Variants in FBXL17 observed in about 807,000 individuals in gnomAD.
FBXL17 encodes F-box and leucine rich repeat protein 17.
FBXL17 carries 22 observed loss-of-function variants against 66.2 expected under a neutral mutation model. The observed-to-expected ratio is 0.33, with a 90% CI of 0.24 to 0.47. FBXL17 has a LOEUF of 0.47. Among genes scored for constraint, FBXL17 ranks in the 20% least tolerant of loss-of-function variants. The pLI is 1.00. For synonymous variants in FBXL17, 474 were observed against 400.5 expected (o/e 1.18, Z -2.19); for missense variants, 878 against 948.2 (o/e 0.93, Z 0.97).
intron 4 of FBXL17, among the ~76,000 whole-genome samples, chr5:108,330,370 T>C (rs1206791848): frequency 2.0e-5 from 3 of 152,222 alleles, no homozygotes; most frequent in African/African-American, 2.4e-5. Flanking sequence ...AATTATTTGA[T>C]ATTGTTTTAA....
intron 3 of FBXL17, among the ~76,000 whole-genome samples, chr5:108,360,053 T>C (rs1748245346): frequency 6.6e-6 from 1 of 152,272 alleles, no homozygotes; most frequent in South Asian, 2.1e-4. Context: ...ATAATAATTC[T>C]GTCTCTTGGA....
At chr5:108,023,128 G>C (rs957333046) in intron 6 of FBXL17, among the ~76,000 whole-genome samples, 1 of 152,072 alleles carries the variant, frequency 6.6e-6, no homozygotes, top group Non-Finnish European at 1.5e-5. Flanking sequence ...TGCTGTTCTT[G>C]AAAGTTCAGG....
intron 7 of FBXL17, among the ~76,000 whole-genome samples, chr5:108,013,456 G>A (rs1441805140): frequency 1.3e-5 from 2 of 152,098 alleles, no homozygotes; most frequent in African/African-American, 2.4e-5. Context: ...CCTTTCCAAG[G>A]GTTGTTCTAC....
chr5:107,904,870 A>T (rs986907236), intron 7 of FBXL17, among the ~76,000 whole-genome samples: 3 of 152,094 alleles, frequency 2.0e-5, no homozygotes, highest in Admixed American at 6.6e-5. Flanking sequence ...ACATTCTGAC[A>T]CAATGCTGAA....
chr5:108,023,536 C>T (rs1020313906), intron 6 of FBXL17, among the ~76,000 whole-genome samples: 3 of 152,140 alleles, frequency 2.0e-5, no homozygotes, highest in African/African-American at 4.8e-5. Context: ...GTTTCCCTGG[C>T]AGCATGTGGT....
chr5:107,934,607 C>T (rs945668948), intron 7 of FBXL17, among the ~76,000 whole-genome samples: 2 of 152,194 alleles, frequency 1.3e-5, no homozygotes, highest in African/African-American at 4.8e-5. Context: ...ATTTTCTTCT[C>T]GTTCTCTCAC....
intron 4 of FBXL17, among the ~76,000 whole-genome samples, chr5:108,241,229 A>C (rs887062459): frequency 4.6e-5 from 7 of 152,240 alleles, no homozygotes; most frequent in African/African-American, 1.7e-4. Flanking sequence ...AGCTGTTCTG[A>C]GGAAACTCAA....
intron 6 of FBXL17, among the ~76,000 whole-genome samples, chr5:108,034,596 T>A (rs1038954700): frequency 1.3e-5 from 2 of 152,168 alleles, no homozygotes; most frequent in Non-Finnish European, 2.9e-5. Flanking sequence ...ATGCAGTTAT[T>A]TATTTTCATA....
At chr5:108,295,905 C>A (rs1758328255) in intron 4 of FBXL17, among the ~76,000 whole-genome samples, 1 of 149,374 alleles carries the variant, frequency 6.7e-6, no homozygotes. Context: ...CAGTAGATAG[C>A]CATTAAAGAA....
At chr5:108,248,377 T>C (rs546261117) in intron 4 of FBXL17, among the ~76,000 whole-genome samples, 1 of 152,028 alleles carries the variant, frequency 6.6e-6, no homozygotes, top group African/African-American at 2.4e-5. Context: ...TCAGTGAACC[T>C]GAAGATAGAA....
intron 5 of FBXL17, among the ~76,000 whole-genome samples, chr5:108,212,873 T>C (rs1044780336): frequency 6.6e-6 from 1 of 152,222 alleles, no homozygotes; most frequent in Non-Finnish European, 1.5e-5. Context: ...TTTTCAGAGC[T>C]GTCAGGCAGG....
chr5:107,899,365 A>G (rs1192058324), intron 7 of FBXL17, among the ~76,000 whole-genome samples: 2 of 152,182 alleles, frequency 1.3e-5, no homozygotes, highest in Admixed American at 1.3e-4. Context: ...AAGAGTTGTA[A>G]GGGCTGGGCT....
chr5:107,926,052 T>C (rs563025098), intron 7 of FBXL17, among the ~76,000 whole-genome samples: 70 of 152,222 alleles, frequency 4.6e-4, no homozygotes, highest in Non-Finnish European at 9.1e-4. Flanking sequence ...TTATATCCTA[T>C]TGACTCCATC....
At position 107,905,771 on chromosome 5, in the gene FBXL17, G is replaced by C. The variant is rs1749734931; in HGVS notation, c.1823-24592C>G. Among the ~76,000 whole-genome samples the C allele has an allele frequency of 2.6e-5, 4 of 152,182 alleles. No individual in the cohort carries two copies. In the South Asian group the frequency reaches 8.3e-4, roughly 32 times the overall value. ...TTGTCCATCTGGAATTATTTCCATA[G>C]TGGAATTTCATATCACACTTTTGGG... On this transcript the variant is annotated intron_variant, in intron 7 of 8. Transcript: ENST00000542267.
chr5:108,332,133 T>G (rs1438697499), intron 4 of FBXL17, among the ~76,000 whole-genome samples: 2 of 152,146 alleles, frequency 1.3e-5, no homozygotes, highest in Non-Finnish European at 2.9e-5. Context: ...GCAGTTACCT[T>G]TGAAGGGGAG....
At chr5:108,219,612 G>A (rs558292309) in intron 5 of FBXL17, among the ~76,000 whole-genome samples, 3 of 152,156 alleles carry the variant, frequency 2.0e-5, no homozygotes, top group East Asian at 1.9e-4. Context: ...GCTTGAACCC[G>A]AGAGGTGGAG....
At chr5:107,913,799 T>G (rs1489951022) in intron 7 of FBXL17, among the ~76,000 whole-genome samples, 1 of 152,056 alleles carries the variant, frequency 6.6e-6, no homozygotes, top group Non-Finnish European at 1.5e-5. Flanking sequence ...GCAAAAACTA[T>G]CAGCTGTGGG....
At chr5:108,178,931 G>A (rs781390140) in intron 6 of FBXL17, among the ~76,000 whole-genome samples, 36 of 152,222 alleles carry the variant, frequency 2.4e-4, no homozygotes, top group Admixed American at 5.2e-4. Context: ...ATTCAACTCT[G>A]CCTGCTGGAT....
At chr5:108,007,448 A>G (rs1753974091) in intron 7 of FBXL17, among the ~76,000 whole-genome samples, 4 of 152,192 alleles carry the variant, frequency 2.6e-5, no homozygotes, top group Admixed American at 2.6e-4. Context: ...CAGGTTGTAG[A>G]TTTAGATAGA....
Sources: allele counts gnomAD v4.1 joint callset (sites outside exome capture counted in the v4.1 genomes callset), GRCh38; gene constraint gnomAD v4.1.1; transcripts MANE v1.5; gene names NCBI Gene and HGNC (gene_info 2026-07-23, HGNC 2026-07-21).